The following TBC1D2B variants were observed in gnomAD, a reference collection of about 807,000 sequenced individuals.
TBC1D2B encodes TBC1 domain family member 2B, also known as TBC1 domain family, member 2B.
A neutral mutation model predicts 100.8 loss-of-function variants in TBC1D2B; 64 were observed. The ratio of observed to expected loss-of-function variants is 0.64; its 90% CI spans 0.52 to 0.78. The LOEUF (loss-of-function observed/expected upper bound fraction) is 0.78, where lower values mean the gene tolerates loss of function less well. TBC1D2B is among the 30% of genes least tolerant of loss of function. TBC1D2B has a pLI of 0.00. For synonymous variants in TBC1D2B, 480 were observed against 479.7 expected, an observed-to-expected ratio of 1.00 and a Z score of -0.01; for missense variants, 1,052 against 1,218.4, an observed-to-expected ratio of 0.86 and a Z score of 2.03.
intron 8 of TBC1D2B, among the ~76,000 whole-genome samples, chr15:78,016,079 T>C (rs1460071015): frequency 6.6e-6 from 1 of 152,186 alleles, no homozygotes; most frequent in Non-Finnish European, 1.5e-5. Context: ...TCATATTTTT[T>C]AGAAGACAGG....
In TBC1D2B at chr15:78,020,550, A is replaced by G. The variant is rs369009639; in HGVS notation, c.1471-2593T>C. ...AATACCTATGAGGAAAATAAGCACT[A>G]TTTCACAGACAAATACACTGAGGCA... On this transcript the variant is annotated intron_variant, in intron 6 of 12. Coordinates refer to ENST00000300584, the MANE Select transcript of TBC1D2B (RefSeq NM_144572.2). 2.0e-5 allele frequency among the ~76,000 whole-genome samples: 3 copies of G among 152,212 alleles called. No homozygotes were observed. The East Asian group carries it at 5.8e-4, about 29-fold the overall frequency.
At chr15:78,053,010 A>G (rs2073347266) in intron 2 of TBC1D2B, among the ~76,000 whole-genome samples, 1 of 152,252 alleles carries the variant, frequency 6.6e-6, no homozygotes, top group African/African-American at 2.4e-5. Flanking sequence ...CAAAGCATAT[A>G]TAGTAATTTA....
rs562693420 is a variant in TBC1D2B at position 77,998,134 on chromosome 15, A to C, written c.*26T>G. ...TTTGGGCACACTTTGGTTGTGAAGG[A>C]AGGAAGAGCAGCATCCCGAGCCCAC... On this transcript the variant is annotated 3_prime_UTR_variant, in exon 13 of 13. Coordinates refer to ENST00000300584, the MANE Select transcript of TBC1D2B (RefSeq NM_144572.2). 2.4e-5 allele frequency: 35 copies of C among 1,484,958 alleles called. No homozygotes were observed. Among genetic ancestry groups the C allele is most frequent in the Non-Finnish European group, 2.8e-5 (31 of 1,112,670 alleles). The allele number at this position is 1,484,958 out of a possible 1,614,324, so 92.0% of individuals were successfully genotyped here. A position where few individuals can be genotyped will look rare whatever the true frequency, so the allele number is the denominator to read the frequency against.
chr15:78,044,113 G>T (rs1417911050), intron 3 of TBC1D2B, among the ~76,000 whole-genome samples: 1 of 151,848 alleles, frequency 6.6e-6, no homozygotes, highest in African/African-American at 2.4e-5. Context: ...TGACAGAGGA[G>T]AAGGGGTTGG....
chr15:78,065,964 G>A (rs995997426), intron 1 of TBC1D2B: 4 of 468,564 alleles, frequency 8.5e-6, no homozygotes, highest in Admixed American at 7.1e-5. Flanking sequence ...TCAGATGGTC[G>A]TCCTATATCA....
At chr15:78,006,728 T>C (rs1258855653) in intron 10 of TBC1D2B, among the ~76,000 whole-genome samples, 3 of 152,338 alleles carry the variant, frequency 2.0e-5, no homozygotes, top group African/African-American at 7.2e-5. Flanking sequence ...GGGATACTGA[T>C]GGCTCAAGCG....
At chr15:78,052,327 C>A (rs1237259690) in intron 2 of TBC1D2B, among the ~76,000 whole-genome samples, 1 of 152,194 alleles carries the variant, frequency 6.6e-6, no homozygotes, top group Non-Finnish European at 1.5e-5. Context: ...TACCAGCATG[C>A]ACCCTTCCCT....
At chr15:78,011,893 T>C (rs539085672) in intron 9 of TBC1D2B, among the ~76,000 whole-genome samples, 127 of 152,176 alleles carry the variant, frequency 8.3e-4, no homozygotes, top group African/African-American at 3.0e-3. Context: ...GTGATCCGCC[T>C]GCCTCGACCT....
rs1305529609 is a variant in TBC1D2B, at chr15:78,046,422, A to G, written c.515-1354T>C. On this transcript the variant is annotated intron_variant, in intron 2 of 12. Coordinates refer to ENST00000300584, the MANE Select transcript of TBC1D2B (RefSeq NM_144572.2). ...CTACACTTCTTTTTAAAATATCTCTATATCAACAAAATCAACCATCTCTTT... is the reference window on the plus strand; with the variant it reads ...CTACACTTCTTTTTAAAATATCTCTGTATCAACAAAATCAACCATCTCTTT... Among the ~76,000 whole-genome samples the G allele has an allele frequency of 2.6e-5, 4 of 152,224 alleles. No homozygotes were observed. In the South Asian group the frequency reaches 8.3e-4, roughly 31 times the overall value.
Position 78,077,564 on chromosome 15 carries a change from G to C in TBC1D2B, c.89C>G (p.Pro30Arg). 1 of 1,440,842 alleles carries C rather than the reference G, an allele frequency of 6.9e-7. No homozygotes were observed. Among genetic ancestry groups the C allele is most frequent in the Non-Finnish European group, 9.1e-7 (1 of 1,093,040 alleles). The allele number at this position is 1,440,842 out of a possible 1,614,324, so 89.3% of individuals were successfully genotyped here. A position where few individuals can be genotyped will look rare whatever the true frequency, so the allele number is the denominator to read the frequency against. ...ACACAGCCGCGCTGGCTCCCGCGCC[G>C]GACCCGCCCCGGGCTCCGCGGCCGC... ...QGAAAEPGAGPAREPARLCGY... is the reference protein window; with the variant it reads ...QGAAAEPGAGRAREPARLCGY... Residue 30 changes from proline to arginine, a missense_variant, in exon 1 of 13, where the codon CCG becomes CGG. This residue lies in a region of TBC1D2B where 627 missense variants were observed against 646.1 expected (regional missense o/e 0.97). Coordinates refer to ENST00000300584, the MANE Select transcript of TBC1D2B (RefSeq NM_144572.2).
chr15:78,001,634 G>C lies in TBC1D2B; in HGVS notation c.2681C>G (p.Thr894Ser), dbSNP rs114709718. The C allele has an allele frequency of 1.9e-6, 3 of 1,609,568 alleles. No individual in the cohort carries two copies. The highest frequency in any genetic ancestry group is 2.7e-5 in the African/African-American group (2 of 74,978). The change falls in exon 12 of 13, where the codon ACT (threonine) becomes AGT (serine). Residue 894 changes from threonine to serine, a missense_variant. This residue lies in a region of TBC1D2B where 373 missense variants were observed against 464.9 expected (regional missense o/e 0.80). Coordinates refer to ENST00000300584, the MANE Select transcript of TBC1D2B (RefSeq NM_144572.2). ...CAGGACTCACCTAGCATCAAGGATAGTGCGAGTGAAGTAGCGGAGATACTT... is the reference window on the plus strand; with the variant it reads ...CAGGACTCACCTAGCATCAAGGATACTGCGAGTGAAGTAGCGGAGATACTT... ...IFKYLRYFTR[T>S]ILDARKLISI... is the part of the protein sequence containing the mutation.
At chr15:78,075,831 C>T (rs960348760) in intron 1 of TBC1D2B, among the ~76,000 whole-genome samples, 1 of 152,058 alleles carries the variant, frequency 6.6e-6, no homozygotes, top group Admixed American at 6.5e-5. Context: ...GTCAGCAAAG[C>T]TCTAAGAACA....
intron 1 of TBC1D2B, among the ~76,000 whole-genome samples, chr15:78,069,966 CA>C (rs1473977742): frequency 6.6e-6 from 1 of 152,176 alleles, no homozygotes; most frequent in African/African-American, 2.4e-5. Context: ...GGTATTTTTT[CA>C]CAGCAGCACA....
chr15:78,044,116 G>T (rs1008933994), intron 3 of TBC1D2B, among the ~76,000 whole-genome samples: 4 of 151,852 alleles, frequency 2.6e-5, no homozygotes, highest in Non-Finnish European at 5.9e-5. Context: ...CAGAGGAGAA[G>T]GGGTTGGGGG....
intron 4 of TBC1D2B, among the ~76,000 whole-genome samples, chr15:78,029,446 A>G (rs2072753451): frequency 1.3e-5 from 2 of 152,240 alleles, no homozygotes; most frequent in African/African-American, 2.4e-5. Flanking sequence ...ATTAAATAAT[A>G]TTAAGGATTT....
intron 11 of TBC1D2B, among the ~76,000 whole-genome samples, chr15:78,002,240 A>C (rs1317561635): frequency 1.3e-5 from 2 of 152,146 alleles, no homozygotes; most frequent in African/African-American, 4.8e-5. Context: ...GCTGGAATGC[A>C]GCAGTGCAAT....
intron 1 of TBC1D2B, among the ~76,000 whole-genome samples, chr15:78,056,904 C>A (rs2073436853): frequency 6.6e-6 from 1 of 152,140 alleles, no homozygotes; most frequent in Non-Finnish European, 1.5e-5. Context: ...CCCCATGCCA[C>A]AGGTGAGCTA....
Position 78,046,183 on chromosome 15 carries a change from C to T in TBC1D2B, c.515-1115G>A, listed in dbSNP as rs193100134. Among the ~76,000 whole-genome samples the T allele has an allele frequency of 5.7e-4, 87 of 152,278 alleles. 2 individuals carry two copies. The South Asian group carries it at 9.1e-3, about 16-fold the overall frequency. ...CTGACCTCAGGTGATCCACCCGTCT[C>T]GGCCTCCCAAAGTGCTGGGATTACA... On this transcript the variant is annotated intron_variant, in intron 2 of 12. Coordinates refer to ENST00000300584, the MANE Select transcript of TBC1D2B (RefSeq NM_144572.2).
At chr15:77,999,133 CCT>C (rs1369838608) in intron 12 of TBC1D2B, 1 of 361,400 alleles carries the variant, frequency 2.8e-6, no homozygotes, top group African/African-American at 2.1e-5. Context: ...ACCTTCTTCC[CCT>C]CTCTGGATTC....
Sources: allele counts gnomAD v4.1 joint callset (sites outside exome capture counted in the v4.1 genomes callset), GRCh38; gene constraint gnomAD v4.1.1; regional missense constraint gnomAD v4.1.1; transcripts MANE v1.5; gene names NCBI Gene and HGNC (gene_info 2026-07-23, HGNC 2026-07-21).